FSTL4: variants seen among roughly 807,000 people sequenced by gnomAD.
FSTL4 encodes follistatin-related protein 4.
Under a neutral mutation model 78.2 loss-of-function variants are expected in FSTL4, and 28 were observed. That is an observed-to-expected ratio of 0.36 (90% CI 0.27 to 0.49). The LOEUF is 0.49. FSTL4 is among the 20% of genes least tolerant of loss of function. FSTL4 has a pLI of 0.98. For missense variants in FSTL4, 922 were observed against 1,084.9 expected, an observed-to-expected ratio of 0.85 and a Z score of 2.11; for synonymous variants, 422 against 440.5, an observed-to-expected ratio of 0.96 and a Z score of 0.53.
Position 133,316,603 on chromosome 5 carries a change from CAGA to C in FSTL4, c.456_458del (p.Leu153del). On this transcript the variant is annotated inframe_deletion, in exon 5 of 16. Transcript: ENST00000265342. ...GTGGCTGCAGACGGGTCTGGAGTGC[CAGA>C]AGGACATTCTTCAAGCGGGCGTAGC... The C allele has an allele frequency of 6.2e-7, 1 of 1,614,058 alleles. No individual in the cohort carries two copies. The highest frequency in any genetic ancestry group is 8.5e-7 in the Non-Finnish European group (1 of 1,179,956).
At chr5:133,265,945 T>C (rs1323255975) in intron 6 of FSTL4, among the ~76,000 whole-genome samples, 2 of 152,098 alleles carry the variant, frequency 1.3e-5, no homozygotes, top group Non-Finnish European at 2.9e-5. Flanking sequence ...TGGGGGATTG[T>C]CAAATGGCTC....
intron 6 of FSTL4, chr5:133,312,310 C>T (rs547853193): frequency 6.4e-4 from 151 of 234,290 alleles, no homozygotes; most frequent in African/African-American, 2.8e-3. Context: ...AGGCCCTAGC[C>T]TGAGGATAGC....
chr5:133,567,307 A>G, intron 2 of FSTL4, 88 bp from the exon 3 acceptor site: 1 of 972,180 alleles, frequency 1.0e-6, no homozygotes, highest in Non-Finnish European at 1.7e-6. Flanking sequence ...TTAGTCACAC[A>G]TTTATGAAAA....
chr5:133,822,283 C>T, the FSTL4 span, among the ~76,000 whole-genome samples: 2 of 152,038 alleles, frequency 1.3e-5, no homozygotes, highest in Non-Finnish European at 1.5e-5. Flanking sequence ...GAGATGCTTC[C>T]GATTAATTGT....
the FSTL4 span, among the ~76,000 whole-genome samples, chr5:133,669,872 T>G: frequency 1.3e-5 from 2 of 152,208 alleles, no homozygotes; most frequent in East Asian, 3.9e-4. Flanking sequence ...AGTGCTAGGC[T>G]GAGCCTCTCT....
the FSTL4 span, among the ~76,000 whole-genome samples, chr5:133,816,966 A>T: frequency 6.6e-6 from 1 of 152,078 alleles, no homozygotes; most frequent in East Asian, 1.9e-4. Context: ...GGCAGCCCCC[A>T]TTCAAGCCTC....
intron 14 of FSTL4, among the ~76,000 whole-genome samples, chr5:133,204,408 T>TACAA (rs931317684): frequency 2.0e-5 from 3 of 152,220 alleles, no homozygotes; most frequent in Non-Finnish European, 4.4e-5. Flanking sequence ...CTCTTGCAAA[T>TACAA]ACAAACAATG....
At chr5:133,306,990 A>G (rs1255553052) in intron 6 of FSTL4, among the ~76,000 whole-genome samples, 1 of 152,234 alleles carries the variant, frequency 6.6e-6, no homozygotes, top group Non-Finnish European at 1.5e-5. Flanking sequence ...GTCTCATGCT[A>G]CTAATCACTT....
At chr5:133,442,057 AT>A (rs1411727105) in intron 3 of FSTL4, among the ~76,000 whole-genome samples, 1 of 152,202 alleles carries the variant, frequency 6.6e-6, no homozygotes, top group East Asian at 1.9e-4. Context: ...CTGTCAATAA[AT>A]TCTCAGACAT....
intron 4 of FSTL4, among the ~76,000 whole-genome samples, chr5:133,387,388 G>A (rs1755725973): frequency 6.6e-6 from 1 of 152,140 alleles, no homozygotes; most frequent in East Asian, 1.9e-4. Flanking sequence ...CTGGCGGTGG[G>A]CTGGCAGCCT....
chr5:133,252,833 G>A (rs1166525339), intron 6 of FSTL4, among the ~76,000 whole-genome samples: 3 of 152,154 alleles, frequency 2.0e-5, no homozygotes, highest in Admixed American at 1.3e-4. Context: ...AGTGGGAGAC[G>A]GAAGTCTTCT....
chr5:133,544,088 C>T (rs1759526128), intron 3 of FSTL4, among the ~76,000 whole-genome samples: 2 of 151,922 alleles, frequency 1.3e-5, no homozygotes, highest in South Asian at 4.2e-4. Flanking sequence ...ATATTTTCTG[C>T]CAAACTTTTA....
chr5:133,814,578 T>C, the FSTL4 span, among the ~76,000 whole-genome samples: 1 of 152,092 alleles, frequency 6.6e-6, no homozygotes, highest in Non-Finnish European at 1.5e-5. Flanking sequence ...AGAGAAAAGG[T>C]TCAGATGACT....
intron 3 of FSTL4, among the ~76,000 whole-genome samples, chr5:133,490,847 A>G (rs112464390): frequency 7.1e-4 from 108 of 152,358 alleles, no homozygotes; most frequent in Middle Eastern, 3.4e-3. Context: ...AGTTTTACAT[A>G]TAATGAATGG....
the FSTL4 span, among the ~76,000 whole-genome samples, chr5:133,760,628 T>C: frequency 6.6e-6 from 1 of 152,162 alleles, no homozygotes; most frequent in Non-Finnish European, 1.5e-5. Flanking sequence ...TCTTGGGCTT[T>C]TGAAAAATAA....
intron 2 of FSTL4, among the ~76,000 whole-genome samples, chr5:133,598,506 T>C (rs377030620): frequency 2.6e-5 from 4 of 151,968 alleles, no homozygotes; most frequent in East Asian, 1.9e-4. Flanking sequence ...CCTTGAAAAT[T>C]ATAAATGTAC....
chr5:133,399,318 C>T (rs749962714), intron 4 of FSTL4, among the ~76,000 whole-genome samples: 27 of 152,314 alleles, frequency 1.8e-4, no homozygotes, highest in Admixed American at 1.4e-3. Context: ...TTCCTAGGCT[C>T]ATTTTGGCCT....
intron 3 of FSTL4, among the ~76,000 whole-genome samples, chr5:133,461,825 C>T (rs770228592): frequency 1.3e-5 from 2 of 152,104 alleles, no homozygotes; most frequent in Non-Finnish European, 2.9e-5. Context: ...CTTTACTCCC[C>T]CAACACATTT....
the FSTL4 span, among the ~76,000 whole-genome samples, chr5:133,697,891 G>C: frequency 6.8e-6 from 1 of 146,154 alleles, no homozygotes. Context: ...CCCAGTGTCT[G>C]TCCCTGTCAC....
Sources: gnomAD v4.1 joint callset for allele counts (sites outside exome capture counted in the v4.1 genomes callset) on GRCh38, gnomAD v4.1.1 for gene constraint, MANE v1.5 for transcripts, NCBI Gene and HGNC (gene_info 2026-07-23, HGNC 2026-07-21) for gene names.